The following PTPN3 variants were observed in gnomAD, a reference collection of about 807,000 sequenced individuals.
PTPN3 encodes tyrosine-protein phosphatase non-receptor type 3.
In PTPN3, 96 loss-of-function variants were observed where a neutral mutation model predicts 132.7. The ratio of observed to expected loss-of-function variants is 0.72; its 90% confidence interval spans 0.61 to 0.86. The LOEUF (loss-of-function observed/expected upper bound fraction) is 0.86, where lower values mean the gene tolerates loss of function less well. Ranked by LOEUF, PTPN3 falls within the 40% of genes least tolerant of loss-of-function variation. PTPN3 has a pLI of 0.00. For missense variants in PTPN3, 1,125 were observed against 1,159.6 expected (o/e 0.97, Z 0.43); for synonymous variants, 398 against 429.0 (o/e 0.93, Z 0.89).
At chr9:109,494,701 A>G (rs1001298112) in intron 1 of PTPN3, among the ~76,000 whole-genome samples, 4 of 152,154 alleles carry the variant, frequency 2.6e-5, no homozygotes, top group Admixed American at 2.0e-4. Flanking sequence ...ATCCTTTTAA[A>G]GTACTTACAG....
chr9:109,503,758 A>G, the PTPN3 span, among the ~76,000 whole-genome samples: 3 of 152,136 alleles, frequency 2.0e-5, no homozygotes, highest in Admixed American at 6.5e-5. Context: ...ACTGTAAAAG[A>G]GGGATTTTGT....
chr9:109,486,216 T>C (rs1226947693), intron 1 of PTPN3, among the ~76,000 whole-genome samples: 1 of 152,184 alleles, frequency 6.6e-6, no homozygotes, highest in Non-Finnish European at 1.5e-5. Flanking sequence ...CATTTTAACA[T>C]GAAAACTTGG....
chr9:109,532,005 T>C, the PTPN3 span, among the ~76,000 whole-genome samples: 4 of 152,356 alleles, frequency 2.6e-5, no homozygotes, highest in East Asian at 7.7e-4. Flanking sequence ...AAAGAATGCC[T>C]GAGTTTTCCT....
chr9:109,486,124 G>A (rs1402051838), intron 1 of PTPN3, among the ~76,000 whole-genome samples: 2 of 152,160 alleles, frequency 1.3e-5, no homozygotes, highest in African/African-American at 2.4e-5. Context: ...GGTGGCTTAC[G>A]GACCCCATCC....
chr9:109,391,224 G>A (rs368414390), intron 20 of PTPN3, 25 bp from the exon 21 acceptor site: 28 of 1,597,034 alleles, frequency 1.8e-5, no homozygotes, highest in Non-Finnish European at 2.3e-5. Flanking sequence ...AAAATTTACC[G>A]ATTATTCCGA....
At chr9:109,461,612 A>G (rs1023773646) in intron 2 of PTPN3, among the ~76,000 whole-genome samples, 1 of 152,004 alleles carries the variant, frequency 6.6e-6, no homozygotes, top group Non-Finnish European at 1.5e-5. Flanking sequence ...AAAAAATTAG[A>G]TGGGTGTAGT....
chr9:109,518,809 G>T, the PTPN3 span, among the ~76,000 whole-genome samples: 2 of 152,138 alleles, frequency 1.3e-5, no homozygotes, highest in African/African-American at 4.8e-5. Context: ...TTCCTTCTCT[G>T]CCCTGGGCCA....
chr9:109,383,400 G>A (rs766037917), intron 23 of PTPN3, 23 bp downstream of exon 23: 23 of 1,613,642 alleles, frequency 1.4e-5, no homozygotes, highest in South Asian at 3.3e-5. Flanking sequence ...CCCCTCCACC[G>A]TGCCCCTCAG....
intron 23 of PTPN3, 44 bp from the exon 24 acceptor site, chr9:109,382,491 A>G: frequency 6.2e-7 from 1 of 1,609,444 alleles, no homozygotes; most frequent in Non-Finnish European, 8.5e-7. Context: ...CCAGGTGGTG[A>G]GCATGAGGAC....
At chr9:109,489,983 A>G (rs368605185) in intron 1 of PTPN3, among the ~76,000 whole-genome samples, 2 of 151,932 alleles carry the variant, frequency 1.3e-5, no homozygotes, top group African/African-American at 4.8e-5. Flanking sequence ...GGAGTTCTAG[A>G]CCAGCCTGGC....
At chr9:109,535,659 A>G in the PTPN3 span, among the ~76,000 whole-genome samples, 1 of 152,034 alleles carries the variant, frequency 6.6e-6, no homozygotes, top group Non-Finnish European at 1.5e-5. Flanking sequence ...GGTGCGTGCC[A>G]CCATGCCCAG....
At position 109,437,963 on chromosome 9, in the gene PTPN3, C is replaced by T. The variant is rs1844177051; in HGVS notation, c.587+151G>A. ...ATGCTAGTTATGCCAAATATATCTG[C>T]CACCATACCAGCTCAAAGGTTCAAA... is the stretch of plus-strand genomic sequence containing the variant. On this transcript the variant is annotated intron_variant, in intron 8 of 25. Coordinates refer to ENST00000374541, the MANE Select transcript of PTPN3 (RefSeq NM_002829.4). The T allele has an allele frequency of 1.1e-5, 10 of 893,902 alleles. No homozygotes were observed. In the South Asian group the frequency reaches 2.3e-4, roughly 20 times the overall value. 55.4% of individuals were successfully genotyped at this position (893,902 alleles called of 1,614,324 possible). A position where few individuals can be genotyped will look rare whatever the true frequency, so the allele number is the denominator to read the frequency against.
At chr9:109,514,861 T>C in the PTPN3 span, among the ~76,000 whole-genome samples, 1 of 152,164 alleles carries the variant, frequency 6.6e-6, no homozygotes, top group African/African-American at 2.4e-5. Flanking sequence ...AAGCTTATAT[T>C]TCTGCTTCTG....
chr9:109,391,340 A>G, intron 20 of PTPN3, 131 bp downstream of exon 20: 2 of 1,267,876 alleles, frequency 1.6e-6, no homozygotes, highest in Non-Finnish European at 2.2e-6. Context: ...CGAGTCTGAA[A>G]TGGCTGCAAT....
chr9:109,481,096 A>G (rs1221548453), intron 1 of PTPN3, among the ~76,000 whole-genome samples: 1 of 152,202 alleles, frequency 6.6e-6, no homozygotes, highest in African/African-American at 2.4e-5. Context: ...ACACACTCCT[A>G]ATATTAACCT....
At chr9:109,522,572 C>G in the PTPN3 span, among the ~76,000 whole-genome samples, 1 of 152,166 alleles carries the variant, frequency 6.6e-6, no homozygotes, top group South Asian at 2.1e-4. Context: ...CCACACTGCT[C>G]AAGGTGGTGG....
intron 1 of PTPN3, among the ~76,000 whole-genome samples, chr9:109,490,740 GAAC>G (rs1478564979): frequency 1.3e-5 from 2 of 150,582 alleles, no homozygotes; most frequent in Admixed American, 1.3e-4. Context: ...CTCCATCTTG[GAAC>G]AACAACAACA....
chr9:109,450,615 A>C lies in PTPN3; in HGVS notation c.369-1760T>G, dbSNP rs994178213. The C allele has an allele frequency of 4.1e-6, 4 of 985,082 alleles. No individual in the cohort carries two copies. In the Admixed American group the frequency reaches 2.5e-4, roughly 61 times the overall value. The allele number at this position is 985,082 out of a possible 1,614,324, so 61.0% of individuals were successfully genotyped here. A position where few individuals can be genotyped will look rare whatever the true frequency, so the allele number is the denominator to read the frequency against. Reference sequence around the variant, plus strand: ...ACCCGAGCTTGGGAGACTTCCTAGGAATCTTGAAGGAGCCTAGTTTTGAGA... The same window carrying C: ...ACCCGAGCTTGGGAGACTTCCTAGGCATCTTGAAGGAGCCTAGTTTTGAGA... On this transcript the variant is annotated intron_variant, in intron 5 of 25. Transcript: ENST00000374541.
At chr9:109,516,990 C>T in the PTPN3 span, among the ~76,000 whole-genome samples, 1 of 152,090 alleles carries the variant, frequency 6.6e-6, no homozygotes, top group African/African-American at 2.4e-5. Flanking sequence ...GTGGGGCCTC[C>T]AAGCATATAT....
Sources: allele counts gnomAD v4.1 joint callset (sites outside exome capture counted in the v4.1 genomes callset), GRCh38; gene constraint gnomAD v4.1.1; transcripts MANE v1.5; gene names NCBI Gene and HGNC (gene_info 2026-07-23, HGNC 2026-07-21).